Variants in TRPC4 observed in about 807,000 individuals in gnomAD.
The protein encoded by TRPC4 is short transient receptor potential channel 4.
TRPC4 carries 49 observed loss-of-function variants against 99.4 expected under a neutral mutation model. The observed-to-expected ratio is 0.49, with a 90% CI of 0.39 to 0.63. The LOEUF (loss-of-function observed/expected upper bound fraction) is 0.63, where lower values mean the gene tolerates loss of function less well. Among genes scored for constraint, TRPC4 ranks in the 20% least tolerant of loss-of-function variants. The pLI is 0.00. For synonymous variants in TRPC4, 454 were observed against 425.9 expected, an observed-to-expected ratio of 1.07 and a Z score of -0.81; for missense variants, 898 against 1,152.9, an observed-to-expected ratio of 0.78 and a Z score of 3.20.
rs181113262 is a variant in TRPC4, at chr13:37,784,261, C to T, written c.-27-901G>A. Among the ~76,000 whole-genome samples the T allele has an allele frequency of 1.8e-3, 277 of 152,126 alleles. 1 individual carries two copies. The highest frequency in any genetic ancestry group is 6.3e-3 in the African/African-American group (262 of 41,496). ...TAAAAATGTTATTTTCTTCATTCTA[C>T]TGCCTTTAAAAAATAACAATAAACC... On this transcript the variant is annotated intron_variant, in intron 1 of 10. Coordinates refer to ENST00000379705, the MANE Select transcript of TRPC4 (RefSeq NM_016179.4).
chr13:37,702,427 A>G (rs1030472831), intron 3 of TRPC4, among the ~76,000 whole-genome samples: 1 of 152,188 alleles, frequency 6.6e-6, no homozygotes, highest in Non-Finnish European at 1.5e-5. Context: ...ATAAAAATTG[A>G]TATTTCAAAT....
chr13:37,677,795 T>C (rs1249179657), intron 4 of TRPC4, among the ~76,000 whole-genome samples: 1 of 152,052 alleles, frequency 6.6e-6, no homozygotes, highest in Non-Finnish European at 1.5e-5. Flanking sequence ...TGAACAACAC[T>C]ACCAACAACA....
chr13:37,861,739 T>A (rs1366219801), intron 1 of TRPC4, among the ~76,000 whole-genome samples: 2 of 151,466 alleles, frequency 1.3e-5, no homozygotes, highest in African/African-American at 4.8e-5. Context: ...AGCTGTGAGG[T>A]TAAAATGAAC....
chr13:37,836,857 T>G (rs951284816), intron 1 of TRPC4, among the ~76,000 whole-genome samples: 3 of 152,212 alleles, frequency 2.0e-5, no homozygotes, highest in Non-Finnish European at 4.4e-5. Context: ...GTGAGAGGTC[T>G]TCATGGCAGC....
chr13:37,820,042 C>A (rs1566195487), intron 1 of TRPC4, among the ~76,000 whole-genome samples: 1 of 151,668 alleles, frequency 6.6e-6, no homozygotes, highest in East Asian at 1.9e-4. Flanking sequence ...GATTGATAGA[C>A]TACTAGCTAG....
At chr13:37,672,192 TACTC>T (rs1216362749) in intron 5 of TRPC4, among the ~76,000 whole-genome samples, 5 of 152,236 alleles carry the variant, frequency 3.3e-5, no homozygotes, top group African/African-American at 1.2e-4. Flanking sequence ...TATGTAAGCA[TACTC>T]ACTACGTACC....
At chr13:37,818,916 G>T (rs181831385) in intron 1 of TRPC4, among the ~76,000 whole-genome samples, 1 of 151,612 alleles carries the variant, frequency 6.6e-6, no homozygotes, top group East Asian at 1.9e-4. Flanking sequence ...AAACCTGCAC[G>T]TTCTGCATAT....
chr13:37,779,601 G>T (rs1956787269), intron 2 of TRPC4, among the ~76,000 whole-genome samples: 1 of 151,960 alleles, frequency 6.6e-6, no homozygotes, highest in Non-Finnish European at 1.5e-5. Context: ...TGTAAAACAT[G>T]TATAAGGTCA....
At chr13:37,676,935 ATG>A (rs1953076854) in intron 4 of TRPC4, among the ~76,000 whole-genome samples, 1 of 151,480 alleles carries the variant, frequency 6.6e-6, no homozygotes, top group Non-Finnish European at 1.5e-5. Context: ...ATATATATAT[ATG>A]TTATACATAT....
intron 1 of TRPC4, among the ~76,000 whole-genome samples, chr13:37,848,182 A>C (rs926317124): frequency 1.1e-4 from 17 of 152,164 alleles, no homozygotes; most frequent in African/African-American, 3.6e-4. Context: ...ACCATAAAGA[A>C]AATAGATAAA....
At chr13:37,717,538 A>T (rs1566118266) in intron 3 of TRPC4, among the ~76,000 whole-genome samples, 5 of 152,182 alleles carry the variant, frequency 3.3e-5, no homozygotes, top group Admixed American at 2.0e-4. Context: ...TAGTATGTTG[A>T]AGTCCTAACC....
At chr13:37,818,830 T>G (rs1389504367) in intron 1 of TRPC4, among the ~76,000 whole-genome samples, 1 of 151,962 alleles carries the variant, frequency 6.6e-6, no homozygotes, top group Non-Finnish European at 1.5e-5. Flanking sequence ...AGAGATAGCA[T>G]TAGGAGAAAT....
At chr13:37,702,460 A>G (rs1954131322) in intron 3 of TRPC4, among the ~76,000 whole-genome samples, 1 of 152,218 alleles carries the variant, frequency 6.6e-6, no homozygotes, top group South Asian at 2.1e-4. Flanking sequence ...TTTCAAGATC[A>G]TAAATAATTT....
intron 6 of TRPC4, among the ~76,000 whole-genome samples, chr13:37,661,038 T>G (rs1417217401): frequency 6.6e-6 from 1 of 152,212 alleles, no homozygotes; most frequent in Non-Finnish European, 1.5e-5. Flanking sequence ...ATTTGTGGCT[T>G]GCACATTTAT....
intron 1 of TRPC4, among the ~76,000 whole-genome samples, chr13:37,844,846 G>A: frequency 6.6e-6 from 1 of 152,108 alleles, no homozygotes; most frequent in Non-Finnish European, 1.5e-5. Context: ...ATAGCCTCTG[G>A]CTCTGCCTAC....
chr13:37,718,426 A>G (rs1954751952), intron 3 of TRPC4, among the ~76,000 whole-genome samples: 1 of 152,066 alleles, frequency 6.6e-6, no homozygotes, highest in South Asian at 2.1e-4. Context: ...CATTCTCAAG[A>G]GAAAAGACAA....
In TRPC4 at chr13:37,790,250, C is replaced by A. The variant is rs1433507017; in HGVS notation, c.-27-6890G>T. On this transcript the variant is annotated intron_variant, in intron 1 of 10. Coordinates refer to ENST00000379705, the MANE Select transcript of TRPC4 (RefSeq NM_016179.4). ...GACTATTTTTATTAGTAATGACCAA[C>A]AACTTTAATAGTTATAAAAAGATGC... 5.9e-5 allele frequency among the ~76,000 whole-genome samples: 9 copies of A among 151,996 alleles called. 1 individual carries two copies. The highest frequency in any genetic ancestry group is 3.9e-4 in the Admixed American group (6 of 15,238).
At chr13:37,807,944 G>A (rs1265239303) in intron 1 of TRPC4, among the ~76,000 whole-genome samples, 1 of 152,046 alleles carries the variant, frequency 6.6e-6, no homozygotes, top group African/African-American at 2.4e-5. Flanking sequence ...ACACCCTTGT[G>A]GTCATAGGAG....
chr13:37,664,175 C>A (rs561833499), intron 5 of TRPC4, among the ~76,000 whole-genome samples: 19 of 152,254 alleles, frequency 1.2e-4, no homozygotes, highest in African/African-American at 4.3e-4. Context: ...AAAAAGTAAG[C>A]AGGTTAATTA....
Sources: allele counts gnomAD v4.1 joint callset (sites outside exome capture counted in the v4.1 genomes callset), GRCh38; gene constraint gnomAD v4.1.1; transcripts MANE v1.5; gene names NCBI Gene and HGNC (gene_info 2026-07-23, HGNC 2026-07-21).